The following SETBP1 variants were observed in gnomAD, a reference collection of about 807,000 sequenced individuals.
SETBP1 encodes the protein SET binding protein 1.
In SETBP1, 9 loss-of-function variants were observed where a neutral mutation model predicts 101.0. The observed-to-expected ratio is 0.09, with a 90% CI of 0.05 to 0.16. The LOEUF is 0.16. Ranked by LOEUF, SETBP1 falls within the 10% of genes least tolerant of loss-of-function variation. The probability of loss-of-function intolerance (pLI) is 1.00; values close to 1 mark genes in which losing one functional copy is unlikely to be tolerated. For missense variants in SETBP1, 1,858 were observed against 2,033.8 expected, an observed-to-expected ratio of 0.91 and a Z score of 1.66; for synonymous variants, 818 against 788.5, an observed-to-expected ratio of 1.04 and a Z score of -0.63.
Position 44,950,833 on chromosome 18 carries a change from G to A in SETBP1, c.1493G>A (p.Arg498Gln), listed in dbSNP as rs563237293. 95 of 1,614,080 alleles carry A rather than the reference G, an allele frequency of 5.9e-5. No individual in the cohort carries two copies. The highest frequency in any genetic ancestry group is 2.2e-4 in the Admixed American group (13 of 60,008). ...KVIPGGVSKP[R>Q]KPPMVMTPPT... ...ATCCCAGGAGGTGTGTCTAAGCCGCGGAAGCCACCCATGGTCATGACACCT... is the reference window on the plus strand; with the variant it reads ...ATCCCAGGAGGTGTGTCTAAGCCGCAGAAGCCACCCATGGTCATGACACCT... Residue 498 changes from arginine (R) to glutamine (Q), a missense_variant, in exon 4 of 6, where the codon CGG (arginine) becomes CAG (glutamine). Arg to Gln is a conservative substitution (Grantham distance 43). Coordinates refer to ENST00000649279, the MANE Select transcript of SETBP1 (RefSeq NM_015559.3).
intron 3 of SETBP1, among the ~76,000 whole-genome samples, chr18:44,940,641 C>T (rs584432): frequency 0.81 from 123,619 of 152,174 alleles, 50,361 homozygotes; most frequent in East Asian, 0.96. Flanking sequence ...GAATGTATAC[C>T]TCTATATGTA....
chr18:44,921,331 A>C (rs2070575004), intron 3 of SETBP1, among the ~76,000 whole-genome samples: 1 of 152,218 alleles, frequency 6.6e-6, no homozygotes, highest in African/African-American at 2.4e-5. Context: ...CTCCAGAATC[A>C]CTGACTAGTG....
At chr18:44,690,845 T>C (rs934355407) in intron 1 of SETBP1, among the ~76,000 whole-genome samples, 3 of 152,240 alleles carry the variant, frequency 2.0e-5, no homozygotes, top group Non-Finnish European at 2.9e-5. Flanking sequence ...TTCTTTACGA[T>C]GTGAATTCCT....
chr18:44,947,150 T>C (rs935986442), intron 3 of SETBP1, among the ~76,000 whole-genome samples: 1 of 152,102 alleles, frequency 6.6e-6, no homozygotes, highest in African/African-American at 2.4e-5. Flanking sequence ...AAACTAAAAC[T>C]ATGGTATGTG....
chr18:45,025,716 A>C (rs1370616687), intron 4 of SETBP1, among the ~76,000 whole-genome samples: 2 of 152,200 alleles, frequency 1.3e-5, no homozygotes, highest in African/African-American at 2.4e-5. Context: ...CTACTTAACA[A>C]GGGGAATGTA....
At chr18:44,906,183 A>C (rs1812549161) in intron 3 of SETBP1, among the ~76,000 whole-genome samples, 1 of 152,232 alleles carries the variant, frequency 6.6e-6, no homozygotes, top group Admixed American at 6.5e-5. Flanking sequence ...ATTTTCAGCT[A>C]AGTCCAGAAC....
intron 4 of SETBP1, among the ~76,000 whole-genome samples, chr18:44,975,449 A>T (rs1267099845): frequency 6.6e-6 from 1 of 152,202 alleles, no homozygotes; most frequent in African/African-American, 2.4e-5. Flanking sequence ...TAATAAGTGT[A>T]GTAAGCATTG....
chr18:44,757,885 G>A (rs2070536993), intron 2 of SETBP1, among the ~76,000 whole-genome samples: 1 of 152,312 alleles, frequency 6.6e-6, no homozygotes, highest in East Asian at 1.9e-4. Flanking sequence ...TTCAAAATGT[G>A]TCAAAGGATA....
chr18:45,013,180 C>T (rs1325259614), intron 4 of SETBP1, among the ~76,000 whole-genome samples: 3 of 152,218 alleles, frequency 2.0e-5, no homozygotes, highest in African/African-American at 4.8e-5. Context: ...CCTGCAGCCT[C>T]CTGCCATTCC....
At chr18:44,918,698 G>A (rs1169335279) in intron 3 of SETBP1, among the ~76,000 whole-genome samples, 1 of 152,202 alleles carries the variant, frequency 6.6e-6, no homozygotes, top group Non-Finnish European at 1.5e-5. Flanking sequence ...TCTACCTAGT[G>A]CACAGAATTG....
At chr18:45,058,766 G>A (rs1359200104) in intron 5 of SETBP1, among the ~76,000 whole-genome samples, 1 of 152,222 alleles carries the variant, frequency 6.6e-6, no homozygotes, top group Non-Finnish European at 1.5e-5. Flanking sequence ...AAAAGAACGA[G>A]GGATACTAAG....
chr18:44,798,539 C>T (rs1466907635), intron 2 of SETBP1, among the ~76,000 whole-genome samples: 2 of 152,178 alleles, frequency 1.3e-5, no homozygotes, highest in South Asian at 2.1e-4. Flanking sequence ...AGGAATCAAA[C>T]TTATACCCCA....
chr18:44,778,350 T>C (rs960019611), intron 2 of SETBP1, among the ~76,000 whole-genome samples: 2 of 152,200 alleles, frequency 1.3e-5, no homozygotes, highest in Non-Finnish European at 2.9e-5. Flanking sequence ...CCATTTTTTC[T>C]CTGAGTTTTA....
chr18:44,921,207 G>A (rs1670582649), intron 3 of SETBP1, among the ~76,000 whole-genome samples: 1 of 152,220 alleles, frequency 6.6e-6, no homozygotes, highest in Non-Finnish European at 1.5e-5. Context: ...CAGTTGTGAA[G>A]AACCTAACTA....
At chr18:44,860,264 C>A (rs678726) in intron 2 of SETBP1, among the ~76,000 whole-genome samples, 16 of 151,970 alleles carry the variant, frequency 1.1e-4, no homozygotes, top group Admixed American at 1.0e-3. Context: ...TGGCTTTTTA[C>A]GGACTTTGGA....
At chr18:44,829,430 G>A (rs559645349) in intron 2 of SETBP1, among the ~76,000 whole-genome samples, 4 of 152,150 alleles carry the variant, frequency 2.6e-5, no homozygotes, top group East Asian at 3.9e-4. Context: ...GCTGAACAAC[G>A]GAAAATACTT....
At chr18:44,796,820 C>T (rs542536519) in intron 2 of SETBP1, among the ~76,000 whole-genome samples, 4 of 152,268 alleles carry the variant, frequency 2.6e-5, no homozygotes, top group South Asian at 4.1e-4. Context: ...TACACACACA[C>T]GCGCACACAC....
intron 5 of SETBP1, among the ~76,000 whole-genome samples, chr18:45,045,626 G>T (rs2073596774): frequency 6.6e-6 from 1 of 152,138 alleles, no homozygotes; most frequent in Admixed American, 6.5e-5. Context: ...TGCTCTGGTT[G>T]AATGCATGTG....
chr18:44,824,797 A>T (rs2072198649), intron 2 of SETBP1, among the ~76,000 whole-genome samples: 1 of 152,188 alleles, frequency 6.6e-6, no homozygotes, highest in Non-Finnish European at 1.5e-5. Context: ...GAGCAATAGG[A>T]AGGGAAGGAA....
Sources: allele counts gnomAD v4.1 joint callset (sites outside exome capture counted in the v4.1 genomes callset), GRCh38; gene constraint gnomAD v4.1.1; transcripts MANE v1.5; gene names NCBI Gene and HGNC (gene_info 2026-07-23, HGNC 2026-07-21).